The following CAGE1 variants were observed in gnomAD, a reference collection of about 807,000 sequenced individuals.
The protein encoded by CAGE1 is cancer antigen 1, also known as cancer-associated gene 1 protein.
In CAGE1, 66 loss-of-function variants were observed where a neutral mutation model predicts 94.9. The ratio of observed to expected loss-of-function variants is 0.70; its 90% CI spans 0.57 to 0.85. The LOEUF (loss-of-function observed/expected upper bound fraction) is 0.85, where lower values mean the gene tolerates loss of function less well. Ranked by LOEUF, CAGE1 falls within the 40% of genes least tolerant of loss-of-function variation. The pLI is 0.00. For synonymous variants in CAGE1, 319 were observed against 321.0 expected (o/e 0.99, Z 0.07); for missense variants, 865 against 950.4 (o/e 0.91, Z 1.18).
chr6:7,338,793 C>T (rs1327495180), intron 11 of CAGE1: 1 of 809,778 alleles, frequency 1.2e-6, no homozygotes, highest in East Asian at 2.5e-5. Flanking sequence ...AAGGTCTTTA[C>T]AGAGCAACAT....
intron 6 of CAGE1, among the ~76,000 whole-genome samples, chr6:7,369,644 C>T (rs189722920): frequency 2.0e-3 from 297 of 152,262 alleles, no homozygotes; most frequent in Non-Finnish European, 3.7e-3. Context: ...GGGAGGGCAT[C>T]GCTGAAACGT....
At chr6:7,384,243 A>G (rs1761036997) in intron 3 of CAGE1, among the ~76,000 whole-genome samples, 1 of 151,958 alleles carries the variant, frequency 6.6e-6, no homozygotes, top group South Asian at 2.1e-4. Context: ...ATGCCCGGCT[A>G]ATTTTTTGTA....
At chr6:7,344,611 C>T (rs1162414274) in intron 11 of CAGE1, among the ~76,000 whole-genome samples, 1 of 147,478 alleles carries the variant, frequency 6.8e-6, no homozygotes, top group Non-Finnish European at 1.5e-5. Context: ...GGCGTACGGC[C>T]CGAGACTGGA....
At position 7,373,050 on chromosome 6, in the gene CAGE1, A is replaced by T. The variant is rs372744614; in HGVS notation, c.1746+23T>A. The T allele has an allele frequency of 5.0e-4, 756 of 1,511,790 alleles. 1 individual carries two copies. Among genetic ancestry groups the T allele is most frequent in the Non-Finnish European group, 6.3e-4 (702 of 1,114,516 alleles). 93.6% of individuals were successfully genotyped at this position (1,511,790 alleles called of 1,614,324 possible). A position where few individuals can be genotyped will look rare whatever the true frequency, so the allele number is the denominator to read the frequency against. ...AGAAACTCTTGAAATTCCGCATTAG[A>T]GATTTAGAATGTGTATCAATACCTT... On this transcript the variant is annotated intron_variant, in intron 5 of 13. Coordinates refer to ENST00000502583, the MANE Select transcript of CAGE1 (RefSeq NM_001170692.2).
chr6:7,358,071 T>TATATATATATATA (rs58651855), intron 9 of CAGE1, among the ~76,000 whole-genome samples: 1 of 121,850 alleles, frequency 8.2e-6, no homozygotes, highest in East Asian at 2.6e-4. Flanking sequence ...TATATATATA[T>TATATATATATATA]GCCTCCAAAA....
intron 3 of CAGE1, among the ~76,000 whole-genome samples, chr6:7,380,885 A>C (rs764204698): frequency 1.3e-5 from 2 of 152,160 alleles, no homozygotes; most frequent in Non-Finnish European, 2.9e-5. Context: ...GGATTATAGA[A>C]AATACATATC....
chr6:7,347,938 T>G (rs969969090), intron 11 of CAGE1, among the ~76,000 whole-genome samples: 3 of 151,826 alleles, frequency 2.0e-5, no homozygotes, highest in Non-Finnish European at 2.9e-5. Context: ...GAGTCTGAGC[T>G]CAGACACACC....
chr6:7,342,706 C>T (rs1759229456), intron 11 of CAGE1, among the ~76,000 whole-genome samples: 1 of 152,216 alleles, frequency 6.6e-6, no homozygotes, highest in African/African-American at 2.4e-5. Flanking sequence ...GGTTCTTGGT[C>T]ATGAAGTCTT....
intron 11 of CAGE1, among the ~76,000 whole-genome samples, chr6:7,345,865 C>T (rs950388656): frequency 2.6e-5 from 4 of 152,074 alleles, no homozygotes; most frequent in African/African-American, 4.8e-5. Flanking sequence ...GAGAAGCTTG[C>T]AGTGAGCCGA....
rs1759946598 is a variant in CAGE1 at position 7,356,125 on chromosome 6, G to C, written c.2198C>G (p.Thr733Arg). ...SLNEELDFLI[T>R]KLGHLLESKE... ...TGACTCTAGGAGATGTCCCAGTTTT[G>C]TGATCTATGGAGAAATATCAGTAAA... Residue 733 changes from threonine to arginine, a missense_variant, in exon 10 of 14, where the codon ACA (threonine) becomes AGA (arginine). By Grantham distance (71) the Thr-to-Arg change is moderately conservative (BLOSUM62 -1). Transcript: ENST00000502583. 4 of 1,520,394 alleles carry C rather than the reference G, an allele frequency of 2.6e-6. No homozygotes were observed. The highest frequency in any genetic ancestry group is 2.8e-5 in the African/African-American group (2 of 72,242). The allele number at this position is 1,520,394 out of a possible 1,614,324, so 94.2% of individuals were successfully genotyped here. A position where few individuals can be genotyped will look rare whatever the true frequency, so the allele number is the denominator to read the frequency against.
intron 4 of CAGE1, 57 bp downstream of exon 4, chr6:7,378,560 T>C: frequency 2.8e-6 from 4 of 1,417,616 alleles, no homozygotes; most frequent in East Asian, 2.3e-5. Context: ...TCAGATGAAC[T>C]AGGTTAGAAC....
chr6:7,334,801 A>G (rs1218530246), intron 11 of CAGE1, among the ~76,000 whole-genome samples: 2 of 152,164 alleles, frequency 1.3e-5, no homozygotes, highest in African/African-American at 4.8e-5. Context: ...ACAGCTTAAC[A>G]TGGGAAAATA....
At chr6:7,345,801 C>T (rs1759490448) in intron 11 of CAGE1, among the ~76,000 whole-genome samples, 2 of 152,086 alleles carry the variant, frequency 1.3e-5, no homozygotes, top group South Asian at 2.1e-4. Context: ...GGCAGGCCCC[C>T]ATAGTCCCAG....
rs562942399 is a variant in CAGE1, at chr6:7,333,457, G to A, written c.2438+565C>T. Among the ~76,000 whole-genome samples the A allele has an allele frequency of 3.9e-5, 6 of 152,112 alleles. No individual in the cohort carries two copies. The East Asian group carries it at 1.2e-3, about 29-fold the overall frequency. On this transcript the variant is annotated intron_variant, in intron 12 of 13. Coordinates refer to ENST00000502583, the MANE Select transcript of CAGE1 (RefSeq NM_001170692.2). ...TTATAGTTTCTTCCTTAGAGTGACT[G>A]TACATTCCATGAAAGCAGGGAATCT...
At chr6:7,386,487 G>C (rs2113480628) in intron 2 of CAGE1, among the ~76,000 whole-genome samples, 1 of 152,310 alleles carries the variant, frequency 6.6e-6, no homozygotes, top group Middle Eastern at 3.4e-3. Context: ...TGATGTAAGT[G>C]GAAGATGCAT....
Position 7,385,843 on chromosome 6 carries a change from AT to A in CAGE1, c.224del (p.Asn75MetfsTer15). The A allele has an allele frequency of 6.5e-7, 1 of 1,539,758 alleles. No individual in the cohort carries two copies. On this transcript the variant is annotated frameshift_variant, in exon 3 of 14. Coordinates refer to ENST00000502583, the MANE Select transcript of CAGE1 (RefSeq NM_001170692.2). LOFTEE classifies it high-confidence loss of function. ...CTTCACAAAGTGTGGATTCATACTC[AT>A]TTTCCCTTTCAAAATTCTTTATTTC... ...QNEIKNFERE[N>X]EYESTLCEDA...
At chr6:7,371,678 T>G (rs1307857766) in intron 5 of CAGE1, among the ~76,000 whole-genome samples, 1 of 151,998 alleles carries the variant, frequency 6.6e-6, no homozygotes, top group East Asian at 1.9e-4. Flanking sequence ...TCCCAGCTAC[T>G]TGGGAGGCTG....
intron 4 of CAGE1, among the ~76,000 whole-genome samples, chr6:7,377,781 T>A (rs1379812945): frequency 6.6e-6 from 1 of 152,106 alleles, no homozygotes; most frequent in African/African-American, 2.4e-5. Context: ...GTATTACTTA[T>A]ACTATTCTTG....
At chr6:7,352,284 T>G (rs905322707) in intron 11 of CAGE1, among the ~76,000 whole-genome samples, 3 of 66,834 alleles carry the variant, frequency 4.5e-5, no homozygotes, top group Admixed American at 2.2e-4. Context: ...CTTTTTACAA[T>G]AGCTGCAAAA....
Sources: allele counts gnomAD v4.1 joint callset (sites outside exome capture counted in the v4.1 genomes callset), GRCh38; gene constraint gnomAD v4.1.1; transcripts MANE v1.5; gene names NCBI Gene and HGNC (gene_info 2026-07-23, HGNC 2026-07-21).